NEB: variants seen among roughly 807,000 people sequenced by gnomAD.
NEB encodes nebulin.
Under a neutral mutation model 952.2 loss-of-function variants are expected in NEB, and 512 were observed. The ratio of observed to expected loss-of-function variants is 0.54; its 90% CI spans 0.50 to 0.58. NEB has a LOEUF of 0.58. Among genes scored for constraint, NEB ranks in the 20% least tolerant of loss-of-function variants. The pLI, the probability that NEB is intolerant of heterozygous loss-of-function variation, is 0.00. For synonymous variants in NEB, 2,900 were observed against 3,149.8 expected (o/e 0.92, Z 2.66); for missense variants, 8,428 against 9,231.1 (o/e 0.91, Z 3.56).
chr2:151,535,595 C>T, intron 142 of NEB, 96 bp downstream of exon 142: 1 of 679,654 alleles, frequency 1.5e-6, no homozygotes, highest in Non-Finnish European at 2.4e-6. Context: ...GGATGGCTTT[C>T]CTGTCATTCT....
Position 151,639,746 on chromosome 2 carries a change from G to T in NEB, c.8889+111C>A, listed in dbSNP as rs1178379359. On this transcript the variant is annotated intron_variant, in intron 62 of 181. Coordinates refer to ENST00000397345, the MANE Select transcript of NEB (RefSeq NM_001164508.2). ...TGAGAAGCCAATAGATACATAGACA[G>T]ATAGATAGATGCCTTTTATTACTCA... 1.7e-5 allele frequency: 15 copies of T among 895,266 alleles called. No individual in the cohort carries two copies. The Admixed American group carries it at 3.1e-4, about 18-fold the overall frequency. 55.5% of individuals were successfully genotyped at this position (895,266 alleles called of 1,614,324 possible). A position where few individuals can be genotyped will look rare whatever the true frequency, so the allele number is the denominator to read the frequency against.
At chr2:151,707,857 C>T (rs964267325) in intron 12 of NEB, among the ~76,000 whole-genome samples, 3 of 152,170 alleles carry the variant, frequency 2.0e-5, no homozygotes, top group Admixed American at 2.0e-4. Flanking sequence ...AGCACAGAGG[C>T]ATCAACCCCT....
chr2:151,721,921 G>A (rs932285333), intron 9 of NEB, among the ~76,000 whole-genome samples: 8 of 152,202 alleles, frequency 5.3e-5, no homozygotes, highest in African/African-American at 1.9e-4. Flanking sequence ...GGATACGACT[G>A]TATCTGTGTT....
Position 151,669,077 on chromosome 2 carries a change from C to T in NEB, c.4561G>A (p.Glu1521Lys). Residue 1521 changes from glutamate to lysine, a missense_variant, in exon 39 of 182, where the codon GAA becomes AAA. Physicochemically the swap from Glu to Lys is moderately conservative, Grantham distance 56 (BLOSUM62 1). Transcript: ENST00000397345. ...KLKHKYTIDPELPQFIQAKVN... is the reference protein window; with the variant it reads ...KLKHKYTIDPKLPQFIQAKVN... ...TTGGCTTGAATAAACTGAGGCAATTCAGGGTCAATAGTATACTTGTGCTTC... is the reference window on the plus strand; with the variant it reads ...TTGGCTTGAATAAACTGAGGCAATTTAGGGTCAATAGTATACTTGTGCTTC... The T allele has an allele frequency of 6.3e-7, 1 of 1,596,236 alleles. No individual in the cohort carries two copies. Among genetic ancestry groups the T allele is most frequent in the Non-Finnish European group, 8.5e-7 (1 of 1,170,392 alleles).
rs183142350 is a variant in NEB at position 151,558,135 on chromosome 2, A to C, written c.19314+2457T>G. On this transcript the variant is annotated intron_variant, in intron 124 of 181. Transcript: ENST00000397345. ...TTAGAAAACCCAACCGTCTCAGCCC[A>C]AAATCTCCTTAAGCTGATAAGCAAC... Among the ~76,000 whole-genome samples the C allele has an allele frequency of 8.5e-5, 13 of 152,344 alleles. No individual in the cohort carries two copies. The East Asian group carries it at 2.1e-3, about 25-fold the overall frequency.
chr2:151,546,479 G>A (rs749690481), intron 133 of NEB, 36 bp from the exon 134 acceptor site: 43 of 1,341,904 alleles, frequency 3.2e-5, no homozygotes, highest in Non-Finnish European at 4.2e-5. Context: ...CTGGTCATAA[G>A]CAAATGTAAG....
intron 107 of NEB, among the ~76,000 whole-genome samples, chr2:151,570,865 C>T (rs1026141450): frequency 2.0e-5 from 3 of 151,966 alleles, no homozygotes; most frequent in Admixed American, 2.0e-4. Context: ...TTTATGGGTA[C>T]ATAGTAGGTA....
chr2:151,610,529 T>C lies in NEB; in HGVS notation c.12005A>G (p.Asp4002Gly). ...GAAGGTACTCACGTCACTGGCGATG[T>C]CCCTGGAGGCCTTGGCACTTTTGAT... ...ISIKSAKASR[D>G]IASDYKYKEA... Residue 4002 changes from aspartate (D) to glycine (G), a missense_variant, in exon 80 of 182, where the codon GAC becomes GGC. By Grantham distance (94) the Asp-to-Gly change is moderately conservative. Around this residue, in one of 11 missense-constraint regions of NEB, gnomAD observed 337 missense variants for 297.5 expected, o/e 1.13. Coordinates refer to ENST00000397345, the MANE Select transcript of NEB (RefSeq NM_001164508.2). The C allele has an allele frequency of 6.2e-7, 1 of 1,610,280 alleles. No homozygotes were observed. The highest frequency in any genetic ancestry group is 8.5e-7 in the Non-Finnish European group (1 of 1,176,562).
chr2:151,564,370 G>A (rs1234911758), intron 117 of NEB, among the ~76,000 whole-genome samples: 1 of 152,062 alleles, frequency 6.6e-6, no homozygotes, highest in Non-Finnish European at 1.5e-5. Flanking sequence ...GGCCAAGCTG[G>A]TCTAACTCCT....
intron 142 of NEB, chr2:151,534,357 A>G (rs2092624108): frequency 6.4e-7 from 1 of 1,554,674 alleles, no homozygotes; most frequent in South Asian, 1.1e-5. Flanking sequence ...CAAGAGTACA[A>G]CTTCAAGGCT....
At chr2:151,687,820 G>T in intron 25 of NEB, 87 bp from the exon 26 acceptor site, 1 of 1,191,814 alleles carries the variant, frequency 8.4e-7, no homozygotes, top group Non-Finnish European at 1.2e-6. Flanking sequence ...ATTTGTGTAT[G>T]TATAGACTTA....
chr2:151,565,892 A>G, intron 114 of NEB, 72 bp from the exon 115 acceptor site: 11 of 970,972 alleles, frequency 1.1e-5, no homozygotes, highest in African/African-American at 1.6e-5. Flanking sequence ...GCAGGTTACA[A>G]TTTTTTCAGA....
Position 151,625,646 on chromosome 2 carries a change from G to T in NEB, c.10348-8C>A. On this transcript the variant is annotated splice_region_variant and splice_polypyrimidine_tract_variant and intron_variant, in intron 70 of 181. Coordinates refer to ENST00000397345, the MANE Select transcript of NEB (RefSeq NM_001164508.2). ...GGCTTCTGTGTATAAGCGCTGTGAA[G>T]GATAAAAAGGTTAATGAATTAGAAA... is the stretch of plus-strand genomic sequence containing the variant. 1.3e-6 allele frequency: 2 copies of T among 1,544,164 alleles called. No homozygotes were observed. The highest frequency in any genetic ancestry group is 1.8e-6 in the Non-Finnish European group (2 of 1,135,778).
chr2:151,494,032 G>A (rs1366050788), intron 174 of NEB, 129 bp downstream of exon 174: 2 of 919,800 alleles, frequency 2.2e-6, no homozygotes, highest in African/African-American at 3.3e-5. Context: ...AATGTAGTGT[G>A]ATATTTAGAG....
At chr2:151,577,843 T>A (rs2096933838) in intron 105 of NEB, among the ~76,000 whole-genome samples, 1 of 152,214 alleles carries the variant, frequency 6.6e-6, no homozygotes, top group Admixed American at 6.5e-5. Flanking sequence ...CTCCCCAAAG[T>A]GCTGAGATTA....
chr2:151,568,670 T>C lies in NEB; in HGVS notation c.17582A>G (p.Asp5861Gly), dbSNP rs988561726. 1.9e-6 allele frequency: 3 copies of C among 1,609,622 alleles called. No individual in the cohort carries two copies. Among genetic ancestry groups the C allele is most frequent in the South Asian group, 1.1e-5 (1 of 89,902 alleles). The change falls in exon 111 of 182, where the codon GAT becomes GGT. Residue 5861 changes from aspartate (D) to glycine (G), a missense_variant. Coordinates refer to ENST00000397345, the MANE Select transcript of NEB (RefSeq NM_001164508.2). ...CGCTGTCACATAATCAACTCTGTCATCCACAGGCGTAAAGTTGAGAGTTTC... is the reference window on the plus strand; with the variant it reads ...CGCTGTCACATAATCAACTCTGTCACCCACAGGCGTAAAGTTGAGAGTTTC... ...KIETLNFTPVDDRVDYVTAKQ... is the reference protein window; with the variant it reads ...KIETLNFTPVGDRVDYVTAKQ...
chr2:151,513,144 A>T (rs1030352230), intron 160 of NEB, among the ~76,000 whole-genome samples: 3 of 152,218 alleles, frequency 2.0e-5, no homozygotes, highest in African/African-American at 7.2e-5. Context: ...ATGACAAATA[A>T]GCAAAAGACC....
chr2:151,568,053 C>G lies in NEB; in HGVS notation c.17844+18G>C, dbSNP rs781160579. On this transcript the variant is annotated intron_variant, in intron 113 of 181. Coordinates refer to ENST00000397345, the MANE Select transcript of NEB (RefSeq NM_001164508.2). ...AGGTCCCACTTTTGCAAAATGCACTCCCATCAGGATGTATTACCTCACTCT... is the reference window on the plus strand; with the variant it reads ...AGGTCCCACTTTTGCAAAATGCACTGCCATCAGGATGTATTACCTCACTCT... 1.2e-6 allele frequency: 2 copies of G among 1,600,852 alleles called. No individual in the cohort carries two copies. Among genetic ancestry groups the G allele is most frequent in the Admixed American group, 3.4e-5 (2 of 59,450 alleles).
At chr2:151,708,541 C>A (rs6749823) in intron 12 of NEB, among the ~76,000 whole-genome samples, 1 of 151,992 alleles carries the variant, frequency 6.6e-6, no homozygotes, top group African/African-American at 2.4e-5. Flanking sequence ...GACCCCAGAG[C>A]TCAGCCCCTA....
Sources: gnomAD v4.1 joint callset for allele counts (sites outside exome capture counted in the v4.1 genomes callset) on GRCh38, gnomAD v4.1.1 for gene constraint, gnomAD v4.1.1 regional missense constraint, MANE v1.5 for transcripts, NCBI Gene and HGNC (gene_info 2026-07-23, HGNC 2026-07-21) for gene names.